The following RPA1 variants were observed in gnomAD, a reference collection of about 807,000 sequenced individuals.
RPA1 encodes replication protein A 70 kDa DNA-binding subunit.
Under a neutral mutation model 83.0 loss-of-function variants are expected in RPA1, and 49 were observed. The ratio of observed to expected loss-of-function variants is 0.59; its 90% CI spans 0.47 to 0.75. The LOEUF is 0.75. Ranked by LOEUF, RPA1 falls within the 30% of genes least tolerant of loss-of-function variation. RPA1 has a pLI of 0.00. For synonymous variants in RPA1, 279 were observed against 281.8 expected, an observed-to-expected ratio of 0.99 and a Z score of 0.10; for missense variants, 693 against 776.1, an observed-to-expected ratio of 0.89 and a Z score of 1.27.
At chr17:1,889,079 A>G (rs1334371031) in intron 14 of RPA1, among the ~76,000 whole-genome samples, 1 of 112,156 alleles carries the variant, frequency 8.9e-6, no homozygotes, top group Non-Finnish European at 1.7e-5. Flanking sequence ...CGTCAGTGAC[A>G]CTTGCCTGCT....
chr17:1,846,214 G>T (rs9913655), intron 4 of RPA1, among the ~76,000 whole-genome samples: 5,126 of 151,470 alleles, frequency 0.034, 286 homozygotes, highest in African/African-American at 0.11. Context: ...AGGTTATGTG[G>T]CTTTACCCTC....
Position 1,875,801 on chromosome 17 carries a change from G to A in RPA1, c.587+8G>A. The A allele has an allele frequency of 6.2e-7, 1 of 1,611,194 alleles. No homozygotes were observed. Among genetic ancestry groups the A allele is most frequent in the Non-Finnish European group, 8.5e-7 (1 of 1,178,984 alleles). ...CACTCCTTACCAGTCCAAGTGAGTT[G>A]TTGCATAGAGTAAGTTCAGAGTGTA... On this transcript the variant is annotated splice_region_variant and intron_variant, in intron 7 of 16. Coordinates refer to ENST00000254719, the MANE Select transcript of RPA1 (RefSeq NM_002945.5).
At chr17:1,878,488 A>T (rs779021780) in intron 8 of RPA1, among the ~76,000 whole-genome samples, 1 of 152,156 alleles carries the variant, frequency 6.6e-6, no homozygotes, top group Admixed American at 6.5e-5. Context: ...CAGAAAAGCA[A>T]AAGTGAAAAT....
Position 1,845,691 on chromosome 17 carries a change from G to A in RPA1, c.272+1005G>A, listed in dbSNP as rs535075705. Among the ~76,000 whole-genome samples, 5 of 152,276 alleles carry A rather than the reference G, an allele frequency of 3.3e-5. No individual in the cohort carries two copies. In the East Asian group the frequency reaches 9.6e-4, roughly 29 times the overall value. Reference sequence around the variant, plus strand: ...CACACCTGTCATGCCAACACTTTGGGAGACCAGGTAGGGAGGATCACTTGA... The same window carrying A: ...CACACCTGTCATGCCAACACTTTGGAAGACCAGGTAGGGAGGATCACTTGA... On this transcript the variant is annotated intron_variant, in intron 4 of 16. Transcript: ENST00000254719.
intron 4 of RPA1, among the ~76,000 whole-genome samples, chr17:1,850,538 A>G (rs975500091): frequency 5.5e-5 from 7 of 126,158 alleles, no homozygotes; most frequent in Non-Finnish European, 9.4e-5. Context: ...CTCCGTCTCA[A>G]AAAAAAAAAA....
At position 1,885,275 on chromosome 17, in the gene RPA1, C is replaced by T. The variant is rs1373314879; in HGVS notation, c.1374+1331C>T. Among the ~76,000 whole-genome samples the T allele has an allele frequency of 3.3e-5, 5 of 152,252 alleles. No individual in the cohort carries two copies. In the East Asian group the frequency reaches 9.7e-4, roughly 29 times the overall value. On this transcript the variant is annotated intron_variant, in intron 13 of 16. Transcript: ENST00000254719. The stretch of plus-strand genomic sequence containing the variant: ...AGCTCCTTATCCGTTCAAGTTTGAT[C>T]GTGAGATTACAGCAGTTCAGGCCCA...
At chr17:1,889,863 G>T (rs1383597644) in intron 14 of RPA1, among the ~76,000 whole-genome samples, 1 of 151,950 alleles carries the variant, frequency 6.6e-6, no homozygotes, top group Non-Finnish European at 1.5e-5. Flanking sequence ...AGCCGGGCGT[G>T]GTGGCGGGTG....
At chr17:1,854,144 G>GAA (rs904403620) in intron 5 of RPA1, 1 of 151,644 alleles carries the variant, frequency 6.6e-6, no homozygotes, top group Non-Finnish European at 1.5e-5. Flanking sequence ...AAAAGAAGCT[G>GAA]AAAAAAAAGT....
chr17:1,856,742 G>A (rs1912714533), intron 5 of RPA1, among the ~76,000 whole-genome samples: 1 of 151,052 alleles, frequency 6.6e-6, no homozygotes, highest in Admixed American at 6.6e-5. Flanking sequence ...ATGTTGGCCA[G>A]GCTGGTCTCG....
intron 5 of RPA1, among the ~76,000 whole-genome samples, chr17:1,855,744 C>T (rs1362909706): frequency 2.6e-5 from 4 of 151,808 alleles, no homozygotes; most frequent in East Asian, 1.9e-4. Flanking sequence ...AAATTTTCTG[C>T]AGCAGTTTAT....
chr17:1,885,950 G>C (rs1250446183), intron 13 of RPA1, among the ~76,000 whole-genome samples: 1 of 152,200 alleles, frequency 6.6e-6, no homozygotes, highest in Non-Finnish European at 1.5e-5. Flanking sequence ...CTTGTTCTGT[G>C]CATCTCCATT....
intron 5 of RPA1, among the ~76,000 whole-genome samples, chr17:1,869,367 T>A (rs1913296256): frequency 6.6e-6 from 1 of 152,084 alleles, no homozygotes; most frequent in African/African-American, 2.4e-5. Flanking sequence ...TGAAACCCTG[T>A]CTCTACTAAA....
intron 8 of RPA1, 85 bp from the exon 9 acceptor site, chr17:1,878,908 C>G (rs929182717): frequency 7.6e-7 from 1 of 1,317,546 alleles, no homozygotes; most frequent in Non-Finnish European, 1.1e-6. Context: ...GCTAGGGTGG[C>G]CTGTGTTCTA....
chr17:1,860,343 G>T (rs1224019220), intron 5 of RPA1, among the ~76,000 whole-genome samples: 2 of 151,964 alleles, frequency 1.3e-5, no homozygotes, highest in African/African-American at 4.8e-5. Context: ...TAGGGGCGGG[G>T]TCTCACTTTG....
intron 3 of RPA1, 135 bp downstream of exon 3, chr17:1,844,133 T>G (rs1912167652): frequency 1.5e-6 from 1 of 672,660 alleles, no homozygotes; most frequent in Non-Finnish European, 2.5e-6. Context: ...TCAGACAGAA[T>G]TGCAGCTGTC....
At chr17:1,893,319 C>T (rs1238254524) in intron 15 of RPA1, among the ~76,000 whole-genome samples, 2 of 152,236 alleles carry the variant, frequency 1.3e-5, no homozygotes, top group Admixed American at 1.3e-4. Context: ...ATAGAAACTT[C>T]CCCGAGGAAC....
At chr17:1,859,168 G>T (rs2151278086) in intron 5 of RPA1, among the ~76,000 whole-genome samples, 1 of 152,260 alleles carries the variant, frequency 6.6e-6, no homozygotes, top group South Asian at 2.1e-4. Flanking sequence ...CTCCCAAAGT[G>T]CTGGGATTAC....
intron 4 of RPA1, among the ~76,000 whole-genome samples, chr17:1,845,162 TTGTGTGTGTG>T (rs71150822): frequency 2.8e-4 from 40 of 141,712 alleles, no homozygotes; most frequent in African/African-American, 7.7e-4. Context: ...TAATGCTGCT[TTGTGTGTGTG>T]TGTGTGTGTG....
Position 1,856,100 on chromosome 17 carries a change from G to T in RPA1, c.361+2911G>T, listed in dbSNP as rs148874968. On this transcript the variant is annotated intron_variant, in intron 5 of 16. Coordinates refer to ENST00000254719, the MANE Select transcript of RPA1 (RefSeq NM_002945.5). The stretch of plus-strand genomic sequence containing the variant: ...ACACCTTGGGAGAACGAGGCAAGCC[G>T]ATCGCTTGCGCTTGGGAGTTCAAGA... Among the ~76,000 whole-genome samples, 32 of 152,222 alleles carry T rather than the reference G, an allele frequency of 2.1e-4. No homozygotes were observed. The East Asian group carries it at 6.2e-3, about 29-fold the overall frequency.
Sources: gnomAD v4.1 joint callset for allele counts (sites outside exome capture counted in the v4.1 genomes callset) on GRCh38, gnomAD v4.1.1 for gene constraint, MANE v1.5 for transcripts, NCBI Gene and HGNC (gene_info 2026-07-23, HGNC 2026-07-21) for gene names.